DLAT: variants seen among roughly 807,000 people sequenced by gnomAD.
DLAT encodes dihydrolipoyllysine-residue acetyltransferase component of pyruvate dehydrogenase complex, mitochondrial.
In DLAT, 43 loss-of-function variants were observed where a neutral mutation model predicts 68.0. The ratio of observed to expected loss-of-function variants is 0.63; its 90% CI spans 0.50 to 0.81. The LOEUF (loss-of-function observed/expected upper bound fraction) is 0.81, where lower values mean the gene tolerates loss of function less well. Ranked by LOEUF, DLAT falls within the 40% of genes least tolerant of loss-of-function variation. The pLI, the probability that DLAT is intolerant of heterozygous loss-of-function variation, is 0.00. For synonymous variants in DLAT, 265 were observed against 288.6 expected, an observed-to-expected ratio of 0.92 and a Z score of 0.83; for missense variants, 745 against 815.4, an observed-to-expected ratio of 0.91 and a Z score of 1.05.
intron 5 of DLAT, among the ~76,000 whole-genome samples, chr11:112,035,995 T>C (rs1325293458): frequency 1.3e-5 from 2 of 149,520 alleles, no homozygotes; most frequent in African/African-American, 4.9e-5. Context: ...TTCACCATGT[T>C]GGCCAGGCTG....
At chr11:112,026,949 C>A (rs1555179358) in intron 2 of DLAT, among the ~76,000 whole-genome samples, 2 of 149,932 alleles carry the variant, frequency 1.3e-5, no homozygotes, top group East Asian at 3.9e-4. Context: ...GGGGCTGACC[C>A]CCCCACTTCC....
At chr11:112,031,898 T>G (rs1335610573) in intron 4 of DLAT, among the ~76,000 whole-genome samples, 3 of 124,350 alleles carry the variant, frequency 2.4e-5, no homozygotes, top group Admixed American at 1.7e-4. Flanking sequence ...TTTTTTTTTT[T>G]TTTTTTTTTT....
Position 112,037,459 on chromosome 11 carries a change from C to G in DLAT, c.974C>G (p.Pro325Arg). ...KPQVPPPTPP[P>R]VAAVPPTPQP... is the part of the protein sequence containing the mutation. ...CAAGTGCCACCACCTACCCCACCCCCGGTAGGTATGCTTCTAGAATTCAGG... is the reference window on the plus strand; with the variant it reads ...CAAGTGCCACCACCTACCCCACCCCGGGTAGGTATGCTTCTAGAATTCAGG... The change falls in exon 6 of 14, where the codon CCG becomes CGG. Residue 325 changes from proline (P) to arginine (R), a missense_variant and splice_region_variant. Physicochemically the swap from Pro to Arg is moderately radical, Grantham distance 103 (BLOSUM62 -2). Coordinates refer to ENST00000280346, the MANE Select transcript of DLAT (RefSeq NM_001931.5). 6.2e-7 allele frequency: 1 copy of G among 1,613,812 alleles called. No individual in the cohort carries two copies. The highest frequency in any genetic ancestry group is 1.1e-5 in the South Asian group (1 of 91,074).
At position 112,028,939 on chromosome 11, in the gene DLAT, C is replaced by T. The variant is rs1472423442; in HGVS notation, c.654C>T (p.His218=). 1.9e-6 allele frequency: 3 copies of T among 1,614,138 alleles called. No individual in the cohort carries two copies. The highest frequency in any genetic ancestry group is 2.5e-6 in the Non-Finnish European group (3 of 1,180,030). ...AQAPGSSYPP[H]MQVLLPALSP... ...CTCCTGGTAGCTCATATCCCCCTCACATGCAGGTGAGGCTCAGCCTCTGAG... is the reference window on the plus strand; with the variant it reads ...CTCCTGGTAGCTCATATCCCCCTCATATGCAGGTGAGGCTCAGCCTCTGAG... The change falls in exon 4 of 14, where the codon CAC becomes CAT. Residue 218 remains histidine, a synonymous_variant. Coordinates refer to ENST00000280346, the MANE Select transcript of DLAT (RefSeq NM_001931.5).
chr11:112,030,391 C>CA (rs11390768), intron 4 of DLAT: 182,091 of 413,560 alleles, frequency 0.44, 43,984 homozygotes, highest in African/African-American at 0.78. Flanking sequence ...AAACGGAAGT[C>CA]GGGGGATCAT....
chr11:112,054,430 A>G (rs1555182286), intron 11 of DLAT, among the ~76,000 whole-genome samples: 1 of 152,208 alleles, frequency 6.6e-6, no homozygotes, highest in Non-Finnish European at 1.5e-5. Context: ...ATTGTGTATG[A>G]CTAAGACATG....
chr11:112,027,288 T>C (rs11825981), intron 2 of DLAT, among the ~76,000 whole-genome samples: 15 of 133,756 alleles, frequency 1.1e-4, no homozygotes, highest in African/African-American at 5.5e-4. Flanking sequence ...GAGGCGCTCC[T>C]CACATCCCAG....
chr11:112,051,107 G>A lies in DLAT; in HGVS notation c.1399-127G>A, dbSNP rs1863600728. 1 of 649,644 alleles carries A rather than the reference G, an allele frequency of 1.5e-6. No individual in the cohort carries two copies. Among genetic ancestry groups the A allele is most frequent in the Non-Finnish European group, 2.6e-6 (1 of 379,876 alleles). 40.2% of individuals were successfully genotyped at this position (649,644 alleles called of 1,614,324 possible). ...ATACCTGGGTGATGGGTTGACAGGT[G>A]CAGCAAACCACCATGGCACATGTTT... On this transcript the variant is annotated intron_variant, in intron 10 of 13. Transcript: ENST00000280346. This position sits in a 1 kb window ranked among gnomAD's most constrained non-coding sequence, Gnocchi z 4.3.
chr11:112,049,783 G>GT (rs1863515045), intron 10 of DLAT, among the ~76,000 whole-genome samples: 2 of 152,026 alleles, frequency 1.3e-5, no homozygotes, highest in African/African-American at 4.8e-5. Context: ...AGTTCTTACA[G>GT]TTTTTTAGTG....
At chr11:112,045,264 TA>T (rs1336911357) in intron 9 of DLAT, 34 bp downstream of exon 9, 2 of 1,418,840 alleles carry the variant, frequency 1.4e-6, no homozygotes, top group African/African-American at 2.7e-5. Context: ...AATCAGCTGT[TA>T]GGGGCATCTT....
Position 112,064,126 on chromosome 11 carries a change from C to G in DLAT, c.*1591C>G. The G allele has an allele frequency of 6.9e-7, 1 of 1,459,050 alleles. No homozygotes were observed. Among genetic ancestry groups the G allele is most frequent in the East Asian group, 2.4e-5 (1 of 41,290 alleles). 90.4% of individuals were successfully genotyped at this position (1,459,050 alleles called of 1,614,324 possible). On this transcript the variant is annotated 3_prime_UTR_variant, in exon 14 of 14. Coordinates refer to ENST00000280346, the MANE Select transcript of DLAT (RefSeq NM_001931.5). ...TTATCCAAAAGAAACAAGCTTATCA[C>G]AAGGGACCATCATCAATATGATCCA... is the stretch of plus-strand genomic sequence containing the variant.
At chr11:112,050,348 G>A (rs1431882458) in intron 10 of DLAT, among the ~76,000 whole-genome samples, 22 of 147,126 alleles carry the variant, frequency 1.5e-4, no homozygotes, top group African/African-American at 5.0e-4. Flanking sequence ...TTCTAATGTC[G>A]TCTTTGGTTT....
intron 11 of DLAT, among the ~76,000 whole-genome samples, chr11:112,058,356 GT>G (rs1452769127): frequency 6.6e-6 from 1 of 152,134 alleles, no homozygotes; most frequent in Non-Finnish European, 1.5e-5. Flanking sequence ...ATTAGAGCAG[GT>G]TCCTGTGTTT....
chr11:112,039,267 C>G lies in DLAT; in HGVS notation c.999C>G (p.Pro333=). 6.2e-7 allele frequency: 1 copy of G among 1,613,954 alleles called. No individual in the cohort carries two copies. The highest frequency in any genetic ancestry group is 2.2e-5 in the East Asian group (1 of 44,872). ...PPPVAAVPPT[P]QPLAPTPSAP... Reference sequence around the variant, plus strand: ...AGGTGGCCGCTGTTCCTCCAACTCCCCAGCCTTTAGCTCCTACACCTTCAG... The same window carrying G: ...AGGTGGCCGCTGTTCCTCCAACTCCGCAGCCTTTAGCTCCTACACCTTCAG... Residue 333 remains proline (P), a synonymous_variant, in exon 7 of 14, where the codon CCC becomes CCG. Coordinates refer to ENST00000280346, the MANE Select transcript of DLAT (RefSeq NM_001931.5).
intron 4 of DLAT, chr11:112,030,156 T>C: frequency 1.5e-6 from 1 of 666,902 alleles, no homozygotes; most frequent in Non-Finnish European, 2.8e-6. Context: ...AATCATGAAA[T>C]CCTTTATGAC....
chr11:112,053,441 G>GT (rs587664280), intron 11 of DLAT, among the ~76,000 whole-genome samples: 1,741 of 150,912 alleles, frequency 0.012, 27 homozygotes, highest in African/African-American at 0.028. Context: ...ACAACTGTTT[G>GT]TTTTTTTTTG....
intron 3 of DLAT, 55 bp downstream of exon 3, chr11:112,028,694 C>G (rs1258551478): frequency 6.2e-7 from 1 of 1,613,954 alleles, no homozygotes; most frequent in Non-Finnish European, 8.5e-7. Flanking sequence ...AGTATTTTAC[C>G]CAGAATTGAG....
chr11:112,058,623 G>GA (rs1864281703), intron 11 of DLAT, among the ~76,000 whole-genome samples: 2 of 126,374 alleles, frequency 1.6e-5, no homozygotes, highest in South Asian at 3.2e-4. Flanking sequence ...GGAAGGGGGG[G>GA]GTGGGGGGGG....
In DLAT at chr11:112,040,148, A is replaced by C. The variant is rs141052831; in HGVS notation, c.1129+751A>C. On this transcript the variant is annotated intron_variant, in intron 7 of 13. Transcript: ENST00000280346. ...GTTAGTTGTCATTCATATTGATATT[A>C]CTGCCTGGTGCTTAAATAAGTTTTT... Among the ~76,000 whole-genome samples, 1,399 of 152,314 alleles carry C rather than the reference A, an allele frequency of 9.2e-3. 16 individuals carry two copies. The highest frequency in any genetic ancestry group is 0.014 in the Non-Finnish European group (960 of 68,022).
Sources: allele counts gnomAD v4.1 joint callset (sites outside exome capture counted in the v4.1 genomes callset), GRCh38; gene constraint gnomAD v4.1.1; non-coding constraint Gnocchi (gnomAD v3.1); transcripts MANE v1.5; gene names NCBI Gene and HGNC (gene_info 2026-07-23, HGNC 2026-07-21).